Variants in KNDC1 observed in about 807,000 individuals in gnomAD.
The protein encoded by KNDC1 is kinase non-catalytic C-lobe domain-containing protein 1.
In KNDC1, 106 loss-of-function variants were observed where a neutral mutation model predicts 172.8. The observed-to-expected ratio is 0.61, with a 90% CI of 0.52 to 0.72. The LOEUF is 0.72. Among genes scored for constraint, KNDC1 ranks in the 30% least tolerant of loss-of-function variants. KNDC1 has a pLI of 0.00. For synonymous variants in KNDC1, 1,083 were observed against 1,062.2 expected (o/e 1.02, Z -0.38); for missense variants, 2,325 against 2,394.5 (o/e 0.97, Z 0.61).
chr10:133,183,842 C>A, intron 4 of KNDC1, 30 bp from the exon 5 acceptor site: 1 of 1,505,300 alleles, frequency 6.6e-7, no homozygotes. Context: ...CTCCTCCGAG[C>A]CTTCCTGTCT....
At position 133,186,326 on chromosome 10, in the gene KNDC1, C is replaced by A. The variant is rs769961561; in HGVS notation, c.978C>A (p.Arg326=). 6.2e-6 allele frequency: 10 copies of A among 1,612,480 alleles called. No homozygotes were observed. Among genetic ancestry groups the A allele is most frequent in the South Asian group, 5.5e-5 (5 of 91,058 alleles). The part of the protein sequence containing the change: ...PEATLCLPLT[R]GKSQLPISEL... ...CCACCCTCTGCCTGCCGCTGACCCG[C>A]GGGAAAAGCCAGCTGCCCATATCGG... Residue 326 remains arginine (R), a synonymous_variant, in exon 6 of 30, where the codon CGC becomes CGA. Transcript: ENST00000304613.
intron 17 of KNDC1, among the ~76,000 whole-genome samples, chr10:133,204,413 G>T (rs560670059): frequency 6.6e-6 from 1 of 152,350 alleles, no homozygotes; most frequent in East Asian, 1.9e-4. Context: ...AGGCAGGGTC[G>T]CACTTGGCTG....
chr10:133,212,270 C>T lies in KNDC1; in HGVS notation c.4236+412C>T, dbSNP rs201581907. Among the ~76,000 whole-genome samples, 8 of 151,448 alleles carry T rather than the reference C, an allele frequency of 5.3e-5. No individual in the cohort carries two copies. The East Asian group carries it at 9.7e-4, about 18-fold the overall frequency. ...ATCCACACATGCACACACGTGCACC[C>T]GCACACGCATCCACACACACACGCA... On this transcript the variant is annotated intron_variant, in intron 23 of 29. Coordinates refer to ENST00000304613, the MANE Select transcript of KNDC1 (RefSeq NM_152643.8).
At chr10:133,162,033 G>A (rs545903151) in intron 1 of KNDC1, among the ~76,000 whole-genome samples, 20 of 152,270 alleles carry the variant, frequency 1.3e-4, no homozygotes, top group African/African-American at 4.6e-4. Context: ...GACAGCTCCC[G>A]GCCGGCACAG....
chr10:133,221,541 C>A (rs779984909), intron 29 of KNDC1, among the ~76,000 whole-genome samples: 6 of 152,272 alleles, frequency 3.9e-5, no homozygotes, highest in Admixed American at 1.3e-4. Context: ...CATCGCCTGC[C>A]GTTGTCCACA....
In KNDC1 at chr10:133,224,274, G is replaced by A. The variant is rs189208833; in HGVS notation, c.5019-385G>A. 5.8e-4 allele frequency among the ~76,000 whole-genome samples: 89 copies of A among 152,266 alleles called. 1 individual carries two copies. Among genetic ancestry groups the A allele is most frequent in the Admixed American group, 1.0e-3 (16 of 15,298 alleles). ...TCCCAGGCTTCCGGCCCTGGGCCCC[G>A]GCCGTGGCGATTCCCAGGTGTGAAT... On this transcript the variant is annotated intron_variant, in intron 29 of 29. Coordinates refer to ENST00000304613, the MANE Select transcript of KNDC1 (RefSeq NM_152643.8). This position sits in a 1 kb window ranked among gnomAD's most constrained non-coding sequence, Gnocchi z 5.4.
chr10:133,210,686 G>A lies in KNDC1; in HGVS notation c.3870G>A (p.Leu1290=). ...FRYFCTPHDF[L]HFLLDRINST... is the part of the protein sequence containing the mutation. The stretch of plus-strand genomic sequence containing the variant: ...ACTTCTGCACACCCCACGACTTCCT[G>A]CACTTCCTCCTCGACCGCATCAACA... The change falls in exon 21 of 30, where the codon CTG becomes CTA. Residue 1290 remains leucine, a synonymous_variant. Coordinates refer to ENST00000304613, the MANE Select transcript of KNDC1 (RefSeq NM_152643.8). The A allele has an allele frequency of 6.2e-7, 1 of 1,614,028 alleles. No individual in the cohort carries two copies. Among genetic ancestry groups the A allele is most frequent in the Non-Finnish European group, 8.5e-7 (1 of 1,179,928 alleles).
At chr10:133,168,911 C>T (rs1000844325) in intron 3 of KNDC1, among the ~76,000 whole-genome samples, 1 of 152,208 alleles carries the variant, frequency 6.6e-6, no homozygotes, top group African/African-American at 2.4e-5. Flanking sequence ...GCAACGGCAG[C>T]CCAGCGCCTT....
chr10:133,185,683 T>C (rs946546985), intron 5 of KNDC1, among the ~76,000 whole-genome samples: 1 of 150,480 alleles, frequency 6.6e-6, no homozygotes, highest in African/African-American at 2.5e-5. Context: ...CAGGCTCCCA[T>C]AGGAAGCCCC....
chr10:133,217,098 C>A (rs1845482250), intron 26 of KNDC1, among the ~76,000 whole-genome samples: 1 of 152,246 alleles, frequency 6.6e-6, no homozygotes, highest in Admixed American at 6.5e-5. Context: ...AGACATGCTG[C>A]ACAGTGTGGA....
At position 133,200,502 on chromosome 10, in the gene KNDC1, G is replaced by A. The variant is rs762530462; in HGVS notation, c.2989+42G>A. The A allele has an allele frequency of 9.9e-6, 14 of 1,420,238 alleles. 1 individual carries two copies. Among genetic ancestry groups the A allele is most frequent in the Admixed American group, 5.0e-5 (2 of 39,878 alleles). 88.0% of individuals were successfully genotyped at this position (1,420,238 alleles called of 1,614,324 possible). A position where few individuals can be genotyped will look rare whatever the true frequency, so the allele number is the denominator to read the frequency against. On this transcript the variant is annotated intron_variant, in intron 16 of 29. Transcript: ENST00000304613. ...CCCCGCGGCAGGAGCTCTGCTGGGCGGCTCCTCTGTGCTCTCTGCAATGCG... is the reference window on the plus strand; with the variant it reads ...CCCCGCGGCAGGAGCTCTGCTGGGCAGCTCCTCTGTGCTCTCTGCAATGCG...
chr10:133,204,958 G>C (rs1039141516), intron 17 of KNDC1, among the ~76,000 whole-genome samples: 7 of 151,830 alleles, frequency 4.6e-5, no homozygotes, highest in Non-Finnish European at 8.8e-5. Context: ...TGCTGCTCAA[G>C]GCCCAGCTCC....
At chr10:133,174,752 A>T (rs1027237852) in intron 3 of KNDC1, among the ~76,000 whole-genome samples, 11 of 143,604 alleles carry the variant, frequency 7.7e-5, no homozygotes, top group African/African-American at 2.9e-4. Flanking sequence ...TGGATGGATG[A>T]TGGGTGGATG....
intron 2 of KNDC1, among the ~76,000 whole-genome samples, chr10:133,167,984 T>A (rs1253721609): frequency 6.6e-6 from 1 of 152,248 alleles, no homozygotes; most frequent in Non-Finnish European, 1.5e-5. Context: ...GCGTGGCCCC[T>A]GCCCGGGAGC....
chr10:133,216,435 T>C (rs900230150), intron 26 of KNDC1, among the ~76,000 whole-genome samples: 1 of 152,100 alleles, frequency 6.6e-6, no homozygotes, highest in African/African-American at 2.4e-5. Flanking sequence ...CCCAGCCCTT[T>C]GGGAGGCCGA....
Position 133,200,356 on chromosome 10 carries a change from C to G in KNDC1, c.2904-19C>G. On this transcript the variant is annotated intron_variant, in intron 15 of 29. Coordinates refer to ENST00000304613, the MANE Select transcript of KNDC1 (RefSeq NM_152643.8). Reference sequence around the variant, plus strand: ...CCCAGTGGGCGGAGGTGGGGACTGACCTGCATTCTCGTCGTCAGCACGGCC... The same window carrying G: ...CCCAGTGGGCGGAGGTGGGGACTGAGCTGCATTCTCGTCGTCAGCACGGCC... 6.4e-7 allele frequency: 1 copy of G among 1,567,806 alleles called. No homozygotes were observed. Among genetic ancestry groups the G allele is most frequent in the Non-Finnish European group, 8.6e-7 (1 of 1,157,394 alleles).
At chr10:133,196,217 G>A (rs112501774) in intron 10 of KNDC1, among the ~76,000 whole-genome samples, 209 of 65,224 alleles carry the variant, frequency 3.2e-3, no homozygotes, top group Middle Eastern at 6.3e-3. Context: ...CCCCCACCCC[G>A]AACCCCCACC....
chr10:133,209,863 C>T lies in KNDC1; in HGVS notation c.3795-748C>T, dbSNP rs967256089. Among the ~76,000 whole-genome samples, 15 of 152,070 alleles carry T rather than the reference C, an allele frequency of 9.9e-5. No homozygotes were observed. Among genetic ancestry groups the T allele is most frequent in the African/African-American group, 3.6e-4 (15 of 41,364 alleles). On this transcript the variant is annotated intron_variant, in intron 20 of 29. Coordinates refer to ENST00000304613, the MANE Select transcript of KNDC1 (RefSeq NM_152643.8). The surrounding 1 kb of genome is among the most constrained non-coding windows in gnomAD (Gnocchi z 4.9). ...GGTGGGAGGAGGCCTTGCCAGGCCT[C>T]CGCTTCCTGACCGTGGCCGTCGGGC...
chr10:133,199,338 C>T, intron 14 of KNDC1, 72 bp downstream of exon 14: 1 of 1,557,344 alleles, frequency 6.4e-7, no homozygotes, highest in Non-Finnish European at 8.7e-7. Context: ...TCGGGGCCGC[C>T]CCACGCCCTT....
Sources: gnomAD v4.1 joint callset for allele counts (sites outside exome capture counted in the v4.1 genomes callset) on GRCh38, gnomAD v4.1.1 for gene constraint, Gnocchi (gnomAD v3.1) non-coding constraint, MANE v1.5 for transcripts, NCBI Gene and HGNC (gene_info 2026-07-23, HGNC 2026-07-21) for gene names.